CAMTA1: variants seen among roughly 807,000 people sequenced by gnomAD.
The protein encoded by CAMTA1 is calmodulin-binding transcription activator 1.
In CAMTA1, 27 loss-of-function variants were observed where a neutral mutation model predicts 170.9. The observed-to-expected ratio is 0.16, with a 90% CI of 0.12 to 0.22. The LOEUF (loss-of-function observed/expected upper bound fraction) is 0.22. Among genes scored for constraint, CAMTA1 ranks in the 10% least tolerant of loss-of-function variants. The pLI, the probability that CAMTA1 is intolerant of heterozygous loss-of-function variation, is 1.00. For missense variants in CAMTA1, 1,619 were observed against 2,217.2 expected (o/e 0.73, Z 5.42); for synonymous variants, 833 against 891.5 (o/e 0.93, Z 1.17).
chr1:7,629,143 C>T (rs192639378), intron 6 of CAMTA1, among the ~76,000 whole-genome samples: 6 of 152,348 alleles, frequency 3.9e-5, no homozygotes, highest in Middle Eastern at 3.4e-3. Flanking sequence ...CAGGACAGGA[C>T]ACCAACCAAC....
intron 3 of CAMTA1, among the ~76,000 whole-genome samples, chr1:7,088,446 C>G (rs779945111): frequency 6.6e-6 from 1 of 152,188 alleles, no homozygotes; most frequent in Non-Finnish European, 1.5e-5. Context: ...ACCCATCGCT[C>G]GACTGTGAGC....
At position 7,633,967 on chromosome 1, in the gene CAMTA1, G is replaced by A. The variant is rs763461540; in HGVS notation, c.511-6433G>A. On this transcript the variant is annotated intron_variant, in intron 6 of 22. Transcript: ENST00000303635. The surrounding 1 kb of genome is among the most constrained non-coding windows in gnomAD (Gnocchi z 4.1). ...GAGACCACAGCCCAGGGAGAGAAGC[G>A]GCAGATCTGGGGAATGGGGTGGCGG... Among the ~76,000 whole-genome samples, 6 of 152,196 alleles carry A rather than the reference G, an allele frequency of 3.9e-5. No homozygotes were observed. The highest frequency in any genetic ancestry group is 2.1e-4 in the South Asian group (1 of 4,828).
chr1:7,346,556 C>T (rs957157477), intron 5 of CAMTA1, among the ~76,000 whole-genome samples: 7 of 152,172 alleles, frequency 4.6e-5, no homozygotes, highest in African/African-American at 1.4e-4. Context: ...CATAAGACTT[C>T]CCCCCTTAGG....
At chr1:7,188,606 A>G (rs1408458180) in intron 4 of CAMTA1, among the ~76,000 whole-genome samples, 2 of 152,184 alleles carry the variant, frequency 1.3e-5, no homozygotes, top group African/African-American at 4.8e-5. Context: ...TTAGCTTGTC[A>G]TCTTCAGGGT....
Position 7,664,641 on chromosome 1 carries a change from G to A in CAMTA1, c.2094G>A (p.Ala698=), listed in dbSNP as rs144185676. 1.4e-4 allele frequency: 227 copies of A among 1,607,152 alleles called. No homozygotes were observed. The highest frequency in any genetic ancestry group is 1.8e-4 in the Non-Finnish European group (213 of 1,175,228). ...GEVTMETSQA[A]EGSEVLLKSG... ...TCACCATGGAGACCTCGCAGGCGGC[G>A]GAAGGGAGCGAGGTCCTGCTCAAGT... Residue 698 remains alanine, a synonymous_variant, in exon 9 of 23, where the codon GCG becomes GCA. Transcript: ENST00000303635.
chr1:7,652,899 G>A (rs529048123), intron 7 of CAMTA1, among the ~76,000 whole-genome samples: 2 of 152,306 alleles, frequency 1.3e-5, no homozygotes, highest in South Asian at 4.1e-4. Flanking sequence ...CGCACCTGCT[G>A]TGTGACCTTG....
intron 4 of CAMTA1, among the ~76,000 whole-genome samples, chr1:7,103,405 GCA>G (rs1028346891): frequency 9.3e-4 from 97 of 104,292 alleles, no homozygotes; most frequent in African/African-American, 3.0e-3. Context: ...AACTACACAC[GCA>G]CACACACAGC....
Position 6,966,206 on chromosome 1 carries a change from G to T in CAMTA1, c.235-125098G>T, listed in dbSNP as rs548894447. The stretch of plus-strand genomic sequence containing the variant: ...AATTACGATGTAATTAACATATCAC[G>T]CAATTTACTCATTTTAAGTATTCAA... On this transcript the variant is annotated intron_variant, in intron 3 of 22. Transcript: ENST00000303635. 2.0e-5 allele frequency among the ~76,000 whole-genome samples: 3 copies of T among 152,110 alleles called. No individual in the cohort carries two copies. The South Asian group carries it at 6.2e-4, about 32-fold the overall frequency.
At chr1:7,290,345 G>T (rs1040724909) in intron 5 of CAMTA1, among the ~76,000 whole-genome samples, 3 of 152,142 alleles carry the variant, frequency 2.0e-5, no homozygotes, top group Non-Finnish European at 2.9e-5. Context: ...TTCCTTACGG[G>T]TTGCCCCTCA....
Position 7,144,385 on chromosome 1 carries a change from C to A in CAMTA1, c.302+53014C>A, listed in dbSNP as rs1646063096. ...TCTATTGGATACAGACCCTATCTGA[C>A]CTCATTTAACCTTAATTACATCTCC... On this transcript the variant is annotated intron_variant, in intron 4 of 22. Transcript: ENST00000303635. This position sits in a 1 kb window ranked among gnomAD's most constrained non-coding sequence, Gnocchi z 4.0. 6.6e-6 allele frequency among the ~76,000 whole-genome samples: 1 copy of A among 152,094 alleles called. No homozygotes were observed. Among genetic ancestry groups the A allele is most frequent in the South Asian group, 2.1e-4 (1 of 4,836 alleles).
intron 5 of CAMTA1, among the ~76,000 whole-genome samples, chr1:7,257,079 G>GC (rs769828715): frequency 4.0e-5 from 6 of 150,214 alleles, no homozygotes; most frequent in South Asian, 2.1e-4. Flanking sequence ...CGCATGGCGG[G>GC]GGCGGGGGTT....
At chr1:7,536,977 G>T (rs72865426) in intron 6 of CAMTA1, among the ~76,000 whole-genome samples, 1,674 of 152,188 alleles carry the variant, frequency 0.011, 23 homozygotes, top group African/African-American at 0.038. Context: ...GACATCACCT[G>T]CTCCAGAGAG....
At chr1:6,952,019 C>T (rs549792982) in intron 3 of CAMTA1, among the ~76,000 whole-genome samples, 1 of 152,332 alleles carries the variant, frequency 6.6e-6, no homozygotes, top group East Asian at 1.9e-4. Flanking sequence ...CAGCCTCTGC[C>T]CAGTGAGTCC....
intron 5 of CAMTA1, among the ~76,000 whole-genome samples, chr1:7,391,328 A>AGTGTGTGTGTGTGTGTGTGTGT (rs35663101): frequency 7.6e-4 from 111 of 147,008 alleles, no homozygotes; most frequent in African/African-American, 2.6e-3. Flanking sequence ...CCCTTTACAC[A>AGTGTGTGTGTGTGTGTGTGTGT]GTGTGTGTGT....
intron 4 of CAMTA1, among the ~76,000 whole-genome samples, chr1:7,175,932 G>A (rs1296894673): frequency 6.6e-6 from 1 of 152,148 alleles, no homozygotes; most frequent in Non-Finnish European, 1.5e-5. Flanking sequence ...TGATCTTGTC[G>A]GTGGTCCCTC....
At chr1:6,962,603 C>A (rs1246632657) in intron 3 of CAMTA1, among the ~76,000 whole-genome samples, 1 of 137,380 alleles carries the variant, frequency 7.3e-6, no homozygotes, top group Non-Finnish European at 1.6e-5. Context: ...CTTTTTGGCT[C>A]CGTTTCACCC....
intron 5 of CAMTA1, among the ~76,000 whole-genome samples, chr1:7,310,700 C>CTCTCTCTCTCTCTCTTTCTTTCTT (rs1361709842): frequency 1.9e-5 from 1 of 53,458 alleles, no homozygotes; most frequent in Non-Finnish European, 3.2e-5. Flanking sequence ...CTCTCTCTCT[C>CTCTCTCTCTCTCTCTTTCTTTCTT]TCTTTCTTTC....
intron 3 of CAMTA1, among the ~76,000 whole-genome samples, chr1:6,937,264 A>G (rs1685491658): frequency 1.3e-5 from 2 of 149,250 alleles, no homozygotes; most frequent in South Asian, 4.2e-4. Flanking sequence ...CATCATCACC[A>G]CTACCATCAT....
At chr1:7,446,004 T>C (rs1308770908) in intron 5 of CAMTA1, among the ~76,000 whole-genome samples, 1 of 152,266 alleles carries the variant, frequency 6.6e-6, no homozygotes, top group African/African-American at 2.4e-5. Context: ...CAGGCCTCCC[T>C]CCTCACCTGA....
Sources: gnomAD v4.1 joint callset for allele counts (sites outside exome capture counted in the v4.1 genomes callset) on GRCh38, gnomAD v4.1.1 for gene constraint, Gnocchi (gnomAD v3.1) non-coding constraint, MANE v1.5 for transcripts, NCBI Gene and HGNC (gene_info 2026-07-23, HGNC 2026-07-21) for gene names.